The following ENTREP2 variants were observed in gnomAD, a reference collection of about 807,000 sequenced individuals.
The protein encoded by ENTREP2 is endosomal transmembrane epsin interactor 2.
the ENTREP2 span, among the ~76,000 whole-genome samples, chr15:29,665,914 T>C: frequency 2.4e-3 from 354 of 147,700 alleles, 1 homozygote; most frequent in Admixed American, 4.4e-3. Context: ...AGTGCAGTGG[T>C]GCGATCTTGG....
chr15:29,350,016 T>G, the ENTREP2 span, among the ~76,000 whole-genome samples: 1 of 152,216 alleles, frequency 6.6e-6, no homozygotes, highest in African/African-American at 2.4e-5. Context: ...GCATCTCCAT[T>G]TAAGGGCTTC....
the ENTREP2 span, among the ~76,000 whole-genome samples, chr15:29,159,686 A>G: frequency 3.5e-5 from 4 of 114,496 alleles, no homozygotes; most frequent in Non-Finnish European, 7.8e-5. Flanking sequence ...AGTCCCCACC[A>G]GAGTAGCTAG....
the ENTREP2 span, among the ~76,000 whole-genome samples, chr15:29,478,313 C>T: frequency 6.6e-6 from 1 of 151,964 alleles, no homozygotes; most frequent in Non-Finnish European, 1.5e-5. Context: ...AGGTGTGAGC[C>T]ACCGCGTCCA....
chr15:29,342,902 T>G, the ENTREP2 span, among the ~76,000 whole-genome samples: 2 of 152,176 alleles, frequency 1.3e-5, no homozygotes, highest in Non-Finnish European at 2.9e-5. Flanking sequence ...TGCTTCTAAG[T>G]TTGCATACTT....
the ENTREP2 span, among the ~76,000 whole-genome samples, chr15:29,619,171 T>TC: frequency 6.6e-6 from 1 of 152,144 alleles, no homozygotes; most frequent in Non-Finnish European, 1.5e-5. Flanking sequence ...GACAGGTGGA[T>TC]CACAAGGTCA....
At chr15:29,354,123 A>G in the ENTREP2 span, among the ~76,000 whole-genome samples, 1 of 152,192 alleles carries the variant, frequency 6.6e-6, no homozygotes, top group Admixed American at 6.5e-5. Context: ...GAGGGCCCAC[A>G]TAGAACAAAA....
chr15:29,258,324 G>T, the ENTREP2 span, among the ~76,000 whole-genome samples: 1 of 151,920 alleles, frequency 6.6e-6, no homozygotes, highest in Admixed American at 6.6e-5. Flanking sequence ...TAAATAAACT[G>T]GCCTGCACAG....
the ENTREP2 span, chr15:29,252,505 A>G: frequency 7.1e-7 from 1 of 1,402,170 alleles, no homozygotes; most frequent in Admixed American, 2.0e-5. Flanking sequence ...CATAAAATTG[A>G]TTATTCACTT....
At chr15:29,588,240 C>T in the ENTREP2 span, among the ~76,000 whole-genome samples, 1 of 152,080 alleles carries the variant, frequency 6.6e-6, no homozygotes, top group Non-Finnish European at 1.5e-5. Flanking sequence ...TCATGTTGAA[C>T]TGCACCAAGA....
At chr15:29,273,154 C>T in the ENTREP2 span, among the ~76,000 whole-genome samples, 39 of 151,544 alleles carry the variant, frequency 2.6e-4, 1 homozygote, top group Admixed American at 2.0e-3. Context: ...TCATTTTTCT[C>T]ATCAATTATT....
At chr15:29,361,075 G>A in the ENTREP2 span, among the ~76,000 whole-genome samples, 2 of 152,282 alleles carry the variant, frequency 1.3e-5, no homozygotes, top group South Asian at 4.1e-4. Flanking sequence ...TTTTGTCTTG[G>A]TTGTTCTGCT....
chr15:29,443,655 C>A, the ENTREP2 span, among the ~76,000 whole-genome samples: 1 of 152,086 alleles, frequency 6.6e-6, no homozygotes, highest in East Asian at 1.9e-4. Flanking sequence ...GCAAAAGAAA[C>A]ACAAGTTACA....
At chr15:29,136,440 T>C in the ENTREP2 span, 1 of 1,547,452 alleles carries the variant, frequency 6.5e-7, no homozygotes, top group Non-Finnish European at 8.7e-7. Flanking sequence ...AGGCCGGGGC[T>C]ATTGATGGCC....
chr15:29,659,253 G>A, the ENTREP2 span, among the ~76,000 whole-genome samples: 1 of 152,134 alleles, frequency 6.6e-6, no homozygotes, highest in African/African-American at 2.4e-5. Flanking sequence ...GGCAGATCAC[G>A]AGGTCAGGAG....
the ENTREP2 span, among the ~76,000 whole-genome samples, chr15:29,511,565 G>T: frequency 2.8e-4 from 43 of 151,764 alleles, no homozygotes; most frequent in Non-Finnish European, 4.7e-4. Flanking sequence ...GGCCTCAAGT[G>T]ATCTGCCTGC....
chr15:29,488,084 A>G, the ENTREP2 span, among the ~76,000 whole-genome samples: 1 of 151,688 alleles, frequency 6.6e-6, no homozygotes, highest in South Asian at 2.1e-4. Flanking sequence ...TTGTCCCTGA[A>G]GAAACACACA....
chr15:29,413,198 T>C, the ENTREP2 span, among the ~76,000 whole-genome samples: 2 of 152,176 alleles, frequency 1.3e-5, no homozygotes, highest in African/African-American at 2.4e-5. Flanking sequence ...GCAAGATCAA[T>C]TTCTTAAAGA....
chr15:29,156,993 A>G, the ENTREP2 span, among the ~76,000 whole-genome samples: 12 of 152,178 alleles, frequency 7.9e-5, no homozygotes, highest in African/African-American at 2.9e-4. Context: ...GCTACTCAGG[A>G]GGCTGAGGCA....
At chr15:29,655,269 C>G in the ENTREP2 span, among the ~76,000 whole-genome samples, 11 of 152,162 alleles carry the variant, frequency 7.2e-5, no homozygotes, top group African/African-American at 1.7e-4. Context: ...TCTGGTAGCA[C>G]AACCCTAATC....
Sources: gnomAD v4.1 joint callset for allele counts (sites outside exome capture counted in the v4.1 genomes callset) on GRCh38, gnomAD v4.1.1 for gene constraint, MANE v1.5 for transcripts, NCBI Gene and HGNC (gene_info 2026-07-23, HGNC 2026-07-21) for gene names.